Variants in PHLDB1 observed in about 807,000 individuals in gnomAD.
PHLDB1 encodes the protein pleckstrin homology-like domain family B member 1.
In PHLDB1, 65 loss-of-function variants were observed where a neutral mutation model predicts 139.3. The observed-to-expected ratio is 0.47, with a 90% CI of 0.38 to 0.57. PHLDB1 has a LOEUF of 0.57. PHLDB1 is among the 20% of genes least tolerant of loss of function. The pLI is 0.00. For synonymous variants in PHLDB1, 679 were observed against 734.5 expected (o/e 0.92, Z 1.22); for missense variants, 1,624 against 1,839.7 (o/e 0.88, Z 2.14).
At chr11:118,641,886 G>A in intron 12 of PHLDB1, 1 of 926,196 alleles carries the variant, frequency 1.1e-6, no homozygotes, top group Non-Finnish European at 1.5e-6. Flanking sequence ...GCCAGCCCAA[G>A]GGGAGTGCCC....
At position 118,632,648 on chromosome 11, in the gene PHLDB1, G is replaced by A. The variant is rs926474893; in HGVS notation, c.2379+352G>A. On this transcript the variant is annotated intron_variant, in intron 9 of 22. Transcript: ENST00000600882. The surrounding 1 kb of genome is among the most constrained non-coding windows in gnomAD (Gnocchi z 5.9). ...TGACATTGGGGAGTGATTCAAGTTC[G>A]GGTCCCACCATCTGGAGAACATCTC... 2.9e-5 allele frequency: 7 copies of A among 241,296 alleles called. No homozygotes were observed. The highest frequency in any genetic ancestry group is 4.8e-5 in the Non-Finnish European group (6 of 124,866). 14.9% of individuals were successfully genotyped at this position (241,296 alleles called of 1,614,324 possible).
chr11:118,656,497 G>A (rs1214992604), intron 22 of PHLDB1, among the ~76,000 whole-genome samples, 186 bp from the exon 23 acceptor site: 3 of 152,188 alleles, frequency 2.0e-5, no homozygotes, highest in South Asian at 2.1e-4. Context: ...CTGCTGTGGT[G>A]TGAGAAGGGA....
chr11:118,622,512 G>T (rs1292924619), intron 4 of PHLDB1, among the ~76,000 whole-genome samples: 2 of 152,202 alleles, frequency 1.3e-5, no homozygotes, highest in Non-Finnish European at 2.9e-5. Context: ...AGGGTGAAGG[G>T]CTGAGGAGGG....
rs1555099658 is a variant in PHLDB1 at position 118,624,978 on chromosome 11, C to A, written c.400C>A (p.His134Asn). The change falls in exon 5 of 23, where the codon CAC (histidine) becomes AAC (asparagine). Residue 134 changes from histidine (H) to asparagine (N), a missense_variant. Transcript: ENST00000600882. The stretch of plus-strand genomic sequence containing the variant: ...TCAGTCCACCTTCCTTCGCTTTAAC[C>A]ACCCGGCTGAAGCCAAGTGGATGAA... Reference protein sequence around the residue: ...LGQSTFLRFNHPAEAKWMKSM... With the variant: ...LGQSTFLRFNNPAEAKWMKSM... 2 of 1,614,040 alleles carry A rather than the reference C, an allele frequency of 1.2e-6. No individual in the cohort carries two copies. Among genetic ancestry groups the A allele is most frequent in the Admixed American group, 1.7e-5 (1 of 60,014 alleles).
At position 118,625,079 on chromosome 11, in the gene PHLDB1, G is replaced by C; in HGVS notation, c.481+20G>C. On this transcript the variant is annotated intron_variant, in intron 5 of 22. Transcript: ENST00000600882. Reference sequence around the variant, plus strand: ...TTCCTGGTAGGTACCGACGGGGGCAGGGTGCTGGGTTGATGGTGTTCCTGC... The same window carrying C: ...TTCCTGGTAGGTACCGACGGGGGCACGGTGCTGGGTTGATGGTGTTCCTGC... The C allele has an allele frequency of 6.4e-7, 1 of 1,570,524 alleles. No homozygotes were observed. Among genetic ancestry groups the C allele is most frequent in the Non-Finnish European group, 8.6e-7 (1 of 1,161,294 alleles).
At chr11:118,606,452 G>A (rs1939308022), upstream of PHLDB1, 1 of 152,226 alleles carries the variant, frequency 6.6e-6, no homozygotes, top group Non-Finnish European at 1.5e-5. Flanking sequence ...TAAACTCATT[G>A]AATTAGAACA....
At position 118,645,878 on chromosome 11, in the gene PHLDB1, T is replaced by A; in HGVS notation, c.3507+53T>A. 8.9e-7 allele frequency: 1 copy of A among 1,124,094 alleles called. No individual in the cohort carries two copies. Among genetic ancestry groups the A allele is most frequent in the African/African-American group, 1.5e-5 (1 of 65,778 alleles). 69.6% of individuals were successfully genotyped at this position (1,124,094 alleles called of 1,614,324 possible). On this transcript the variant is annotated intron_variant, in intron 17 of 22. Coordinates refer to ENST00000600882, the MANE Select transcript of PHLDB1 (RefSeq NM_001144758.3). This position sits in a 1 kb window ranked among gnomAD's most constrained non-coding sequence, Gnocchi z 5.1. ...GAAGGTGTTGGGGCACAGAGCTACC[T>A]ACTGCATGTCAAGGGCCTGTGCTCC... is the stretch of plus-strand genomic sequence containing the variant.
chr11:118,628,244 C>T lies in PHLDB1; in HGVS notation c.1421C>T (p.Thr474Ile). The T allele has an allele frequency of 6.2e-7, 1 of 1,614,138 alleles. No homozygotes were observed. Among genetic ancestry groups the T allele is most frequent in the Non-Finnish European group, 8.5e-7 (1 of 1,180,018 alleles). ...CGGCGAGCTCTCTCCCCGCTGCCCA[C>T]CCGGACCACCCCAGATCCCAAGCTA... Reference protein sequence around the residue: ...LSRRALSPLPTRTTPDPKLNR... With the variant: ...LSRRALSPLPIRTTPDPKLNR... Residue 474 changes from threonine to isoleucine, a missense_variant, in exon 6 of 23, where the codon ACC becomes ATC. Physicochemically the swap from Thr to Ile is moderately conservative, Grantham distance 89. Coordinates refer to ENST00000600882, the MANE Select transcript of PHLDB1 (RefSeq NM_001144758.3).
At position 118,610,543 on chromosome 11, in the gene PHLDB1, C is replaced by T. The variant is rs1939963178; in HGVS notation, c.-22+2844C>T. 1.1e-6 allele frequency: 1 copy of T among 938,634 alleles called. No homozygotes were observed. The highest frequency in any genetic ancestry group is 1.8e-5 in the African/African-American group (1 of 56,260). 58.1% of individuals were successfully genotyped at this position (938,634 alleles called of 1,614,324 possible). On this transcript the variant is annotated intron_variant, in intron 1 of 22. Transcript: ENST00000600882. The surrounding 1 kb of genome is among the most constrained non-coding windows in gnomAD (Gnocchi z 8.7). ...GGGACACAGGTGAGGCCGGGCGACC[C>T]GCGGGGCTCCGGGGAGCGCCCGAGC... is the stretch of plus-strand genomic sequence containing the variant.
chr11:118,645,331 T>C lies in PHLDB1; in HGVS notation c.3122-25T>C, dbSNP rs1947308790. The C allele has an allele frequency of 6.7e-7, 1 of 1,499,144 alleles. No homozygotes were observed. The highest frequency in any genetic ancestry group is 1.4e-5 in the African/African-American group (1 of 71,270). 92.9% of individuals were successfully genotyped at this position (1,499,144 alleles called of 1,614,324 possible). ...CCTTAGCTGCGTGGGGAGCCCACTG[T>C]GACTCCCATCTGTCTCTCCTTCAGG... On this transcript the variant is annotated intron_variant, in intron 15 of 22. Coordinates refer to ENST00000600882, the MANE Select transcript of PHLDB1 (RefSeq NM_001144758.3). This position sits in a 1 kb window ranked among gnomAD's most constrained non-coding sequence, Gnocchi z 5.1.
At position 118,611,912 on chromosome 11, in the gene PHLDB1, C is replaced by G. The variant is rs1555084387; in HGVS notation, c.-21-1904C>G. ...TTTAATATAATACCTGAATTTCAGA[C>G]AGTCCTTTTTAAAAAACTGACAGCT... On this transcript the variant is annotated intron_variant, in intron 1 of 22. Coordinates refer to ENST00000600882, the MANE Select transcript of PHLDB1 (RefSeq NM_001144758.3). The surrounding 1 kb of genome is among the most constrained non-coding windows in gnomAD (Gnocchi z 4.7). Among the ~76,000 whole-genome samples the G allele has an allele frequency of 6.6e-6, 1 of 151,898 alleles. No individual in the cohort carries two copies. Among genetic ancestry groups the G allele is most frequent in the Non-Finnish European group, 1.5e-5 (1 of 68,006 alleles).
intron 12 of PHLDB1, 97 bp from the exon 13 acceptor site, chr11:118,642,157 C>A: frequency 8.8e-7 from 1 of 1,138,672 alleles, no homozygotes; most frequent in Non-Finnish European, 1.3e-6. Context: ...TTTCTTCTTT[C>A]TCCCTTCTCC....
At chr11:118,618,515 G>T (rs976600047) in intron 4 of PHLDB1, among the ~76,000 whole-genome samples, 1 of 152,080 alleles carries the variant, frequency 6.6e-6, no homozygotes, top group African/African-American at 2.4e-5. Context: ...GGATGTGTTT[G>T]TGACTCTGGG....
At chr11:118,649,357 C>A (rs1948029384) in intron 18 of PHLDB1, among the ~76,000 whole-genome samples, 1 of 152,142 alleles carries the variant, frequency 6.6e-6, no homozygotes, top group African/African-American at 2.4e-5. Context: ...TGCTTGGCTT[C>A]CCTTTCCTGC....
In PHLDB1 at chr11:118,628,416, G is replaced by A. The variant is rs1944237978; in HGVS notation, c.1593G>A (p.Lys531=). ...PTLGESLAPH[K]GSFSGRLSPA... is the part of the protein sequence containing the mutation. ...TGGGTGAGTCTCTGGCACCCCACAA[G>A]GGCAGCTTCAGTGGCAGGCTGAGCC... The change falls in exon 6 of 23, where the codon AAG becomes AAA. Residue 531 remains lysine, a synonymous_variant. Transcript: ENST00000600882. 6.2e-7 allele frequency: 1 copy of A among 1,611,088 alleles called. No homozygotes were observed. Among genetic ancestry groups the A allele is most frequent in the African/African-American group, 1.3e-5 (1 of 74,870 alleles).
chr11:118,635,746 TGAA>T (rs146072178), intron 10 of PHLDB1, among the ~76,000 whole-genome samples, 198 bp downstream of exon 10: 104 of 152,344 alleles, frequency 6.8e-4, no homozygotes, highest in African/African-American at 2.3e-3. Context: ...GAGCACTCGG[TGAA>T]GAATAACTAT....
At chr11:118,641,988 C>G in intron 12 of PHLDB1, 1 of 583,242 alleles carries the variant, frequency 1.7e-6, no homozygotes, top group East Asian at 3.1e-5. Context: ...TTTCTCTTTG[C>G]CCTTAGTACA....
intron 6 of PHLDB1, among the ~76,000 whole-genome samples, chr11:118,630,352 G>T (rs1208932293): frequency 2.6e-5 from 4 of 152,214 alleles, no homozygotes; most frequent in Non-Finnish European, 5.9e-5. Context: ...AGGGGTGGAT[G>T]AAGTGGTAGG....
At chr11:118,609,619 G>A (rs1468054589) in intron 1 of PHLDB1, among the ~76,000 whole-genome samples, 2 of 152,180 alleles carry the variant, frequency 1.3e-5, no homozygotes, top group African/African-American at 4.8e-5. Flanking sequence ...TCCCGCAGCT[G>A]CCAGGCTCGG....
Sources: allele counts gnomAD v4.1 joint callset (sites outside exome capture counted in the v4.1 genomes callset), GRCh38; gene constraint gnomAD v4.1.1; non-coding constraint Gnocchi (gnomAD v3.1); transcripts MANE v1.5; gene names NCBI Gene and HGNC (gene_info 2026-07-23, HGNC 2026-07-21).